The following NR4A3 variants were observed in gnomAD, a reference collection of about 807,000 sequenced individuals.
NR4A3 encodes the protein nuclear receptor subfamily 4 group A member 3.
A neutral mutation model predicts 55.6 loss-of-function variants in NR4A3; 13 were observed. The ratio of observed to expected loss-of-function variants is 0.23; its 90% CI spans 0.15 to 0.37. NR4A3 has a LOEUF of 0.37. Among genes scored for constraint, NR4A3 ranks in the 10% least tolerant of loss-of-function variants. NR4A3 has a pLI of 1.00. For missense variants in NR4A3, 646 were observed against 822.8 expected, an observed-to-expected ratio of 0.79 and a Z score of 2.63; for synonymous variants, 342 against 357.9, an observed-to-expected ratio of 0.96 and a Z score of 0.50.
At position 99,828,922 on chromosome 9, in the gene NR4A3, G is replaced by T; in HGVS notation, c.880G>T (p.Val294Leu). ...GTCGTCTGGCGAGGGCACGTGTGCCGTGTGCGGGGACAACGCCGCCTGCCA... is the reference window on the plus strand; with the variant it reads ...GTCGTCTGGCGAGGGCACGTGTGCCTTGTGCGGGGACAACGCCGCCTGCCA... Reference protein sequence around the residue: ...SSSSGEGTCAVCGDNAACQHY... With the variant: ...SSSSGEGTCALCGDNAACQHY... Residue 294 changes from valine to leucine, a missense_variant, in exon 3 of 8, where the codon GTG becomes TTG. Physicochemically the swap from Val to Leu is conservative, Grantham distance 32 (BLOSUM62 1). This residue lies in a region of NR4A3 where 426 missense variants were observed against 429.4 expected (regional missense o/e 0.99). Coordinates refer to ENST00000395097, the MANE Select transcript of NR4A3 (RefSeq NM_006981.4). The surrounding 1 kb of genome is among the most constrained non-coding windows in gnomAD (Gnocchi z 7.7). The T allele has an allele frequency of 6.8e-7, 1 of 1,470,514 alleles. No homozygotes were observed. 91.1% of individuals were successfully genotyped at this position (1,470,514 alleles called of 1,614,324 possible).
chr9:99,840,428 A>C (rs1827632784), intron 5 of NR4A3, among the ~76,000 whole-genome samples: 1 of 152,234 alleles, frequency 6.6e-6, no homozygotes, highest in Non-Finnish European at 1.5e-5. Context: ...CAGGGGAGTC[A>C]GTGCAGGAGG....
intron 2 of NR4A3, among the ~76,000 whole-genome samples, chr9:99,826,158 T>G (rs981420773): frequency 2.6e-5 from 4 of 152,244 alleles, no homozygotes; most frequent in African/African-American, 9.6e-5. Context: ...AGTGTGCACA[T>G]GTAAGAGTTA....
At chr9:99,829,135 C>T in intron 3 of NR4A3, 142 bp downstream of exon 3, 1 of 1,027,368 alleles carries the variant, frequency 9.7e-7, no homozygotes, top group Non-Finnish European at 1.3e-6. Flanking sequence ...CTTCCTAGCA[C>T]CTTCACATCC....
intron 2 of NR4A3, 103 bp from the exon 3 acceptor site, chr9:99,827,938 C>G: frequency 7.3e-7 from 1 of 1,366,284 alleles, no homozygotes. Context: ...ATGACACTTC[C>G]TCTCTGTTTC....
intron 7 of NR4A3, among the ~76,000 whole-genome samples, chr9:99,849,165 T>C (rs1827806065): frequency 6.6e-6 from 1 of 152,256 alleles, no homozygotes; most frequent in African/African-American, 2.4e-5. Flanking sequence ...TTTCTTGGGA[T>C]ATCTCCTATT....
Position 99,866,064 on chromosome 9 carries a change from T to C in NR4A3, c.*2197T>C, listed in dbSNP as rs1828092797. The C allele has an allele frequency of 4.7e-6, 1 of 214,202 alleles. No individual in the cohort carries two copies. Among genetic ancestry groups the C allele is most frequent in the Admixed American group, 5.8e-5 (1 of 17,142 alleles). 13.3% of individuals were successfully genotyped at this position (214,202 alleles called of 1,614,324 possible). A position where few individuals can be genotyped will look rare whatever the true frequency, so the allele number is the denominator to read the frequency against. ...AACTTCATCTATATAAAATCAGGCTTTTAAACATAACCACTAATATTTACC... is the reference window on the plus strand; with the variant it reads ...AACTTCATCTATATAAAATCAGGCTCTTAAACATAACCACTAATATTTACC... On this transcript the variant is annotated 3_prime_UTR_variant, in exon 8 of 8. Transcript: ENST00000395097.
At chr9:99,834,429 A>T (rs1827513069) in intron 5 of NR4A3, among the ~76,000 whole-genome samples, 1 of 152,212 alleles carries the variant, frequency 6.6e-6, no homozygotes, top group Admixed American at 6.5e-5. Context: ...ACATTATCTC[A>T]TTTAATCCTT....
rs936575248 is a variant in NR4A3, at chr9:99,865,535, C to G, written c.*1668C>G. ...TCTAAAAGTCTTTATATTATATACT[C>G]TGTATCAAGTCAAAATATCTTTGGC... On this transcript the variant is annotated 3_prime_UTR_variant, in exon 8 of 8. Coordinates refer to ENST00000395097, the MANE Select transcript of NR4A3 (RefSeq NM_006981.4). The surrounding 1 kb of genome is among the most constrained non-coding windows in gnomAD (Gnocchi z 4.3). 5.4e-6 allele frequency: 1 copy of G among 184,312 alleles called. No individual in the cohort carries two copies. The highest frequency in any genetic ancestry group is 2.0e-3 in the Middle Eastern group (1 of 502). The allele number at this position is 184,312 out of a possible 1,614,324, so 11.4% of individuals were successfully genotyped here. A position where few individuals can be genotyped will look rare whatever the true frequency, so the allele number is the denominator to read the frequency against.
intron 7 of NR4A3, among the ~76,000 whole-genome samples, chr9:99,861,821 T>C (rs1828013157): frequency 6.6e-6 from 1 of 152,172 alleles, no homozygotes; most frequent in Non-Finnish European, 1.5e-5. Context: ...CCAGGCACGG[T>C]AGCTCATGCC....
chr9:99,838,562 AT>A (rs1195777099), intron 5 of NR4A3, among the ~76,000 whole-genome samples: 1 of 152,218 alleles, frequency 6.6e-6, no homozygotes, highest in Non-Finnish European at 1.5e-5. Context: ...TGGTAAAGAG[AT>A]TAAGCTAAAT....
intron 7 of NR4A3, among the ~76,000 whole-genome samples, chr9:99,858,377 C>G (rs1176596693): frequency 1.3e-5 from 2 of 152,232 alleles, no homozygotes; most frequent in African/African-American, 4.8e-5. Flanking sequence ...CTCCCTCTTG[C>G]TCTAAGCAGA....
At position 99,828,012 on chromosome 9, in the gene NR4A3, C is replaced by G; in HGVS notation, c.-2-29C>G. 1 of 1,587,712 alleles carries G rather than the reference C, an allele frequency of 6.3e-7. No homozygotes were observed. The highest frequency in any genetic ancestry group is 2.2e-5 in the East Asian group (1 of 44,664). Reference sequence around the variant, plus strand: ...CTAGAAAACAAGTGTTAACTTGCTTCTGAGAGACCCTTTTCTCTGTCCCTG... The same window carrying G: ...CTAGAAAACAAGTGTTAACTTGCTTGTGAGAGACCCTTTTCTCTGTCCCTG... On this transcript the variant is annotated intron_variant, in intron 2 of 7. Transcript: ENST00000395097. This position sits in a 1 kb window ranked among gnomAD's most constrained non-coding sequence, Gnocchi z 7.7.
intron 7 of NR4A3, among the ~76,000 whole-genome samples, chr9:99,861,104 T>C (rs1828001515): frequency 6.6e-6 from 1 of 152,220 alleles, no homozygotes; most frequent in South Asian, 2.1e-4. Flanking sequence ...AGAACCTAGG[T>C]CTGTCTAACT....
At position 99,825,051 on chromosome 9, in the gene NR4A3, C is replaced by G. The variant is rs569939892; in HGVS notation, c.-176-608C>G. Reference sequence around the variant, plus strand: ...CTGTGCCCTTTTGTTTGCTTGACCCCTGGCCCTCGAAACTCGCGGCTAATA... The same window carrying G: ...CTGTGCCCTTTTGTTTGCTTGACCCGTGGCCCTCGAAACTCGCGGCTAATA... On this transcript the variant is annotated intron_variant, in intron 1 of 7. Transcript: ENST00000395097. This position sits in a 1 kb window ranked among gnomAD's most constrained non-coding sequence, Gnocchi z 5.0. Among the ~76,000 whole-genome samples the G allele has an allele frequency of 6.6e-6, 1 of 152,358 alleles. No individual in the cohort carries two copies. Among genetic ancestry groups the G allele is most frequent in the South Asian group, 2.1e-4 (1 of 4,832 alleles).
chr9:99,846,938 G>A (rs999225624), intron 6 of NR4A3, among the ~76,000 whole-genome samples: 7 of 152,304 alleles, frequency 4.6e-5, no homozygotes, highest in Middle Eastern at 3.4e-3. Flanking sequence ...GTGAGGCATC[G>A]CACCTGGCCA....
intron 5 of NR4A3, among the ~76,000 whole-genome samples, chr9:99,842,469 G>T (rs537183110): frequency 1.9e-3 from 286 of 152,262 alleles, no homozygotes; most frequent in Non-Finnish European, 3.5e-3. Context: ...GGTGGCTCAC[G>T]CCTGTAATCC....
At chr9:99,829,771 A>G (rs761387613) in intron 3 of NR4A3, among the ~76,000 whole-genome samples, 1 of 152,144 alleles carries the variant, frequency 6.6e-6, no homozygotes, top group Non-Finnish European at 1.5e-5. Context: ...TGCCAGGTGT[A>G]GACATAATTC....
At position 99,864,282 on chromosome 9, in the gene NR4A3, T is replaced by A; in HGVS notation, c.*415T>A. The A allele has an allele frequency of 4.1e-6, 1 of 241,618 alleles. No individual in the cohort carries two copies. The allele number at this position is 241,618 out of a possible 1,614,324, so 15.0% of individuals were successfully genotyped here. ...AACAGCCAAGGGTTGTTCGCCAGGGTAGGATGTGTCTTAAAGATTGGTCCC... is the reference window on the plus strand; with the variant it reads ...AACAGCCAAGGGTTGTTCGCCAGGGAAGGATGTGTCTTAAAGATTGGTCCC... On this transcript the variant is annotated 3_prime_UTR_variant, in exon 8 of 8. Transcript: ENST00000395097.
rs150693477 is a variant in NR4A3 at position 99,834,216 on chromosome 9, G to T, written c.1254+762G>T. On this transcript the variant is annotated intron_variant, in intron 5 of 7. Coordinates refer to ENST00000395097, the MANE Select transcript of NR4A3 (RefSeq NM_006981.4). ...GTAAAATCCCATCAGTCTGAACCCT[G>T]CAAATTCCTCAAAATTTGGATAACA... 2.1e-3 allele frequency among the ~76,000 whole-genome samples: 317 copies of T among 152,266 alleles called. 1 individual carries two copies. Among genetic ancestry groups the T allele is most frequent in the African/African-American group, 7.3e-3 (302 of 41,544 alleles).
Sources: allele counts gnomAD v4.1 joint callset (sites outside exome capture counted in the v4.1 genomes callset), GRCh38; gene constraint gnomAD v4.1.1; regional missense constraint gnomAD v4.1.1; non-coding constraint Gnocchi (gnomAD v3.1); transcripts MANE v1.5; gene names NCBI Gene and HGNC (gene_info 2026-07-23, HGNC 2026-07-21).